GRM1: variants seen among roughly 807,000 people sequenced by gnomAD.
GRM1 encodes the protein metabotropic glutamate receptor 1.
Under a neutral mutation model 90.9 loss-of-function variants are expected in GRM1, and 33 were observed. That is an observed-to-expected ratio of 0.36 (90% CI 0.28 to 0.49). The LOEUF (loss-of-function observed/expected upper bound fraction) is 0.49. Ranked by LOEUF, GRM1 falls within the 20% of genes least tolerant of loss-of-function variation. The probability of loss-of-function intolerance (pLI) is 0.99; values close to 1 mark genes in which losing one functional copy is unlikely to be tolerated. For missense variants in GRM1, 1,190 were observed against 1,534.3 expected (o/e 0.78, Z 3.75); for synonymous variants, 700 against 613.2 (o/e 1.14, Z -2.09).
intron 2 of GRM1, among the ~76,000 whole-genome samples, chr6:146,237,269 T>G (rs1409532948): frequency 6.6e-6 from 1 of 152,082 alleles, no homozygotes; most frequent in East Asian, 1.9e-4. Context: ...CCTTGATGCT[T>G]ATTTTTGATA....
intron 1 of GRM1, among the ~76,000 whole-genome samples, chr6:146,031,782 C>T (rs1790716734): frequency 6.6e-6 from 1 of 152,060 alleles, no homozygotes; most frequent in Admixed American, 6.5e-5. Flanking sequence ...TTAAATGAAA[C>T]ATCCTGAAAG....
At chr6:146,057,339 A>T (rs142219546) in intron 1 of GRM1, among the ~76,000 whole-genome samples, 25 of 152,252 alleles carry the variant, frequency 1.6e-4, no homozygotes, top group African/African-American at 6.0e-4. Flanking sequence ...TAAATTGGGA[A>T]CTATCCCCAG....
At chr6:146,137,975 A>T (rs2128882574) in intron 1 of GRM1, among the ~76,000 whole-genome samples, 1 of 152,250 alleles carries the variant, frequency 6.6e-6, no homozygotes, top group East Asian at 1.9e-4. Context: ...GGCGTATATA[A>T]ATGGTACTAA....
intron 2 of GRM1, among the ~76,000 whole-genome samples, chr6:146,278,358 AT>A (rs1270916688): frequency 1.3e-5 from 2 of 152,202 alleles, no homozygotes; most frequent in African/African-American, 4.8e-5. Flanking sequence ...GAGTATTTGG[AT>A]TAGGGTCTAT....
intron 7 of GRM1, among the ~76,000 whole-genome samples, chr6:146,427,106 G>T (rs762604272): frequency 7.9e-5 from 12 of 152,014 alleles, no homozygotes; most frequent in Non-Finnish European, 1.5e-4. Flanking sequence ...GTCAGTTTGC[G>T]GGGGTGGGTG....
At chr6:146,270,849 T>TTTTCTTTCTTTCTTTCTTTC in intron 2 of GRM1, among the ~76,000 whole-genome samples, 95 of 91,748 alleles carry the variant, frequency 1.0e-3, no homozygotes, top group East Asian at 4.1e-3. Flanking sequence ...CTTTCTTTCT[T>TTTTCTTTCTTTCTTTCTTTC]TTTCTTTCTT....
intron 3 of GRM1, among the ~76,000 whole-genome samples, chr6:146,316,985 G>A (rs190237967): frequency 3.6e-4 from 55 of 152,218 alleles, no homozygotes; most frequent in East Asian, 7.7e-4. Context: ...CACAACCTGC[G>A]TTAATAGCCA....
In GRM1 at chr6:146,434,715, G is replaced by C; in HGVS notation, c.3504G>C (p.Glu1168Asp). ...GSSVPSSPVS[E>D]SVLCTPPNVS... is the part of the protein sequence containing the mutation. ...CGGTGCCCAGCTCCCCCGTGTCCGA[G>C]TCGGTGCTCTGCACCCCTCCCAACG... Residue 1168 changes from glutamate (E) to aspartate (D), a missense_variant, in exon 8 of 8, where the codon GAG (glutamate) becomes GAC (aspartate). By Grantham distance (45) the Glu-to-Asp change is conservative. Transcript: ENST00000282753. 1 of 1,602,240 alleles carries C rather than the reference G, an allele frequency of 6.2e-7. No homozygotes were observed. The highest frequency in any genetic ancestry group is 8.5e-7 in the Non-Finnish European group (1 of 1,179,936).
intron 1 of GRM1, among the ~76,000 whole-genome samples, chr6:146,041,203 C>T (rs1335694542): frequency 6.6e-6 from 1 of 151,860 alleles, no homozygotes; most frequent in Non-Finnish European, 1.5e-5. Flanking sequence ...ATTCTTATTT[C>T]GGATTATTGA....
chr6:146,296,318 A>T (rs1783175688), intron 2 of GRM1, among the ~76,000 whole-genome samples: 1 of 152,210 alleles, frequency 6.6e-6, no homozygotes, highest in Admixed American at 6.5e-5. Context: ...CTTTATATTT[A>T]TGGAGTACAA....
intron 7 of GRM1, among the ~76,000 whole-genome samples, chr6:146,420,299 A>G (rs1434781560): frequency 6.6e-6 from 1 of 152,242 alleles, no homozygotes; most frequent in Non-Finnish European, 1.5e-5. Flanking sequence ...TTTTGAAGCT[A>G]TCTGCAGCAG....
intron 5 of GRM1, among the ~76,000 whole-genome samples, chr6:146,371,420 T>C (rs1242888519): frequency 6.6e-6 from 1 of 152,144 alleles, no homozygotes; most frequent in South Asian, 2.1e-4. Flanking sequence ...GAGTGCATCA[T>C]GGAGAATGCG....
chr6:146,383,180 CT>C (rs1255639713), intron 5 of GRM1, among the ~76,000 whole-genome samples: 1 of 152,148 alleles, frequency 6.6e-6, no homozygotes, highest in Non-Finnish European at 1.5e-5. Flanking sequence ...ATTTTTAATT[CT>C]GTATTAAAGA....
At chr6:146,147,449 A>G (rs1777156172) in intron 1 of GRM1, among the ~76,000 whole-genome samples, 1 of 152,226 alleles carries the variant, frequency 6.6e-6, no homozygotes, top group South Asian at 2.1e-4. Context: ...TAAGGTCTCC[A>G]TAAATGCTAG....
At position 146,193,349 on chromosome 6, in the gene GRM1, C is replaced by T. The variant is rs1046634982; in HGVS notation, c.950+33752C>T. ...TTAGAGAAGGGATGTTGTCCAAGGACTGAACCCTGGGGTACTGTGACATCT... is the reference window on the plus strand; with the variant it reads ...TTAGAGAAGGGATGTTGTCCAAGGATTGAACCCTGGGGTACTGTGACATCT... On this transcript the variant is annotated intron_variant, in intron 2 of 7. Transcript: ENST00000282753. Among the ~76,000 whole-genome samples, 6 of 152,108 alleles carry T rather than the reference C, an allele frequency of 3.9e-5. No individual in the cohort carries two copies. In the East Asian group the frequency reaches 1.2e-3, roughly 29 times the overall value.
Position 146,065,519 on chromosome 6 carries a change from C to A in GRM1, c.700+35302C>A, listed in dbSNP as rs553776608. On this transcript the variant is annotated intron_variant, in intron 1 of 7. Transcript: ENST00000282753. ...TGACTGACAAGTACATGAGATAATA[C>A]CTGGCACACAGTATATTGTTACAGA... 2.0e-5 allele frequency among the ~76,000 whole-genome samples: 3 copies of A among 152,248 alleles called. No homozygotes were observed. In the South Asian group the frequency reaches 6.2e-4, roughly 32 times the overall value.
At chr6:146,411,718 TTAAG>T (rs912112590) in intron 7 of GRM1, among the ~76,000 whole-genome samples, 10 of 152,212 alleles carry the variant, frequency 6.6e-5, no homozygotes, top group African/African-American at 1.9e-4. Flanking sequence ...AGAGAAATAC[TTAAG>T]TAAGAACAAA....
chr6:146,058,714 GAGTCAATCCTCTC>G (rs1267910970), intron 1 of GRM1, among the ~76,000 whole-genome samples: 1 of 152,100 alleles, frequency 6.6e-6, no homozygotes, highest in Non-Finnish European at 1.5e-5. Context: ...TTCAAAATTG[GAGTCAATCCTCTC>G]AACCCTGCTG....
chr6:146,052,229 T>C (rs1183705313), intron 1 of GRM1, among the ~76,000 whole-genome samples: 1 of 152,100 alleles, frequency 6.6e-6, no homozygotes, highest in African/African-American at 2.4e-5. Flanking sequence ...CTCAATATTA[T>C]ATTTACTTTA....
Sources: gnomAD v4.1 joint callset for allele counts (sites outside exome capture counted in the v4.1 genomes callset) on GRCh38, gnomAD v4.1.1 for gene constraint, MANE v1.5 for transcripts, NCBI Gene and HGNC (gene_info 2026-07-23, HGNC 2026-07-21) for gene names.